RGS6: variants seen among roughly 807,000 people sequenced by gnomAD.
RGS6 encodes the protein regulator of G-protein signaling 6.
Under a neutral mutation model 78.5 loss-of-function variants are expected in RGS6, and 30 were observed. That is an observed-to-expected ratio of 0.38 (90% CI 0.29 to 0.52). The LOEUF (loss-of-function observed/expected upper bound fraction) is 0.52. Ranked by LOEUF, RGS6 falls within the 20% of genes least tolerant of loss-of-function variation. The pLI is 0.85. For synonymous variants in RGS6, 206 were observed against 206.0 expected (o/e 1.00, Z 0.00); for missense variants, 495 against 609.7 (o/e 0.81, Z 1.98).
chr14:71,875,089 T>G, the RGS6 span, among the ~76,000 whole-genome samples: 1 of 152,190 alleles, frequency 6.6e-6, no homozygotes, highest in African/African-American at 2.4e-5. Context: ...ATCAGGGATA[T>G]TGGTCTAAAA....
At chr14:72,404,770 C>T (rs1033564627) in intron 3 of RGS6, among the ~76,000 whole-genome samples, 1 of 152,074 alleles carries the variant, frequency 6.6e-6, no homozygotes, top group Non-Finnish European at 1.5e-5. Context: ...AGGTGGAATT[C>T]GAGTGCCTGA....
chr14:72,616,014 C>T, the RGS6 span, among the ~76,000 whole-genome samples: 1 of 152,222 alleles, frequency 6.6e-6, no homozygotes, highest in Non-Finnish European at 1.5e-5. Flanking sequence ...ACAACCACAT[C>T]ATTATCTCCA....
At chr14:72,619,212 T>G in the RGS6 span, 1 of 1,332,024 alleles carries the variant, frequency 7.5e-7, no homozygotes, top group Non-Finnish European at 1.0e-6. Flanking sequence ...TCTGGCTGGA[T>G]ATGTGGGAGG....
chr14:72,137,375 CT>C (rs1447518714), intron 2 of RGS6, among the ~76,000 whole-genome samples: 3 of 152,228 alleles, frequency 2.0e-5, no homozygotes, highest in Non-Finnish European at 2.9e-5. Context: ...CAGAATCCCA[CT>C]GGATGTCCTA....
At chr14:72,268,955 G>A (rs1251379919) in intron 2 of RGS6, among the ~76,000 whole-genome samples, 1 of 152,176 alleles carries the variant, frequency 6.6e-6, no homozygotes, top group Non-Finnish European at 1.5e-5. Flanking sequence ...AATTCGACCT[G>A]ATCTCTCTCT....
At chr14:72,036,418 C>T (rs758170080) in intron 2 of RGS6, among the ~76,000 whole-genome samples, 4 of 151,902 alleles carry the variant, frequency 2.6e-5, no homozygotes, top group African/African-American at 4.8e-5. Context: ...TTAGGTAATT[C>T]CTAGAAGTAA....
intron 2 of RGS6, among the ~76,000 whole-genome samples, chr14:72,067,548 T>C (rs887137923): frequency 7.0e-6 from 1 of 143,796 alleles, no homozygotes; most frequent in Non-Finnish European, 1.6e-5. Context: ...GTGCGGCACT[T>C]TTTAATCACA....
At chr14:72,303,029 TC>T (rs2066451639) in intron 2 of RGS6, among the ~76,000 whole-genome samples, 1 of 152,166 alleles carries the variant, frequency 6.6e-6, no homozygotes. Context: ...TTGTGAGGGC[TC>T]CCCAGCTATG....
In RGS6 at chr14:72,023,108, C is replaced by T. The variant is rs115252611; in HGVS notation, c.84+58233C>T. Among the ~76,000 whole-genome samples the T allele has an allele frequency of 2.6e-3, 397 of 152,334 alleles. 3 individuals are homozygous for T. Among genetic ancestry groups the T allele is most frequent in the African/African-American group, 9.3e-3 (386 of 41,578 alleles). On this transcript the variant is annotated intron_variant, in intron 2 of 17. Coordinates refer to ENST00000553525, the MANE Select transcript of RGS6 (RefSeq NM_001204424.2). ...GACATAGCTCTTAAAGATCTTATTA[C>T]CAACTTGCCATTTCCATGAATTTCC...
intron 17 of RGS6, among the ~76,000 whole-genome samples, chr14:72,544,125 T>G (rs2097361636): frequency 6.6e-6 from 1 of 152,032 alleles, no homozygotes; most frequent in African/African-American, 2.4e-5. Flanking sequence ...GGCTCTGACA[T>G]AGAGGACCAG....
intron 13 of RGS6, among the ~76,000 whole-genome samples, chr14:72,504,169 G>A (rs1598421964): frequency 6.6e-6 from 1 of 152,262 alleles, no homozygotes; most frequent in East Asian, 1.9e-4. Context: ...ATAGTTCCTG[G>A]ATTCTGTTAA....
At chr14:72,543,525 C>G (rs890968383) in intron 17 of RGS6, among the ~76,000 whole-genome samples, 4 of 152,236 alleles carry the variant, frequency 2.6e-5, no homozygotes, top group Admixed American at 2.0e-4. Context: ...TGGCTAGTCA[C>G]TGTGGGTTGC....
At chr14:72,596,737 C>CA in the RGS6 span, among the ~76,000 whole-genome samples, 2 of 152,194 alleles carry the variant, frequency 1.3e-5, no homozygotes, top group Non-Finnish European at 2.9e-5. Context: ...CTCTGATAAG[C>CA]ACTCATCGTA....
the RGS6 span, chr14:72,619,927 G>T: frequency 6.5e-7 from 1 of 1,534,822 alleles, no homozygotes; most frequent in East Asian, 2.4e-5. Context: ...GCCACCGGGG[G>T]ATTTAAACAG....
intron 2 of RGS6, among the ~76,000 whole-genome samples, chr14:72,270,658 C>T (rs2059799276): frequency 6.6e-6 from 1 of 152,214 alleles, no homozygotes; most frequent in African/African-American, 2.4e-5. Context: ...TTTGGACTTC[C>T]AGTGCTGCCT....
chr14:72,384,589 T>C (rs2087259590), intron 3 of RGS6, among the ~76,000 whole-genome samples: 1 of 152,200 alleles, frequency 6.6e-6, no homozygotes, highest in Admixed American at 6.5e-5. Flanking sequence ...TTAAAAATGA[T>C]GTGTTCTGAG....
At chr14:72,440,823 C>T (rs917358638) in intron 3 of RGS6, among the ~76,000 whole-genome samples, 5 of 152,080 alleles carry the variant, frequency 3.3e-5, no homozygotes, top group Admixed American at 6.5e-5. Flanking sequence ...GGGGTGGGAA[C>T]ATATTACAGG....
At chr14:72,033,851 C>T (rs562796159) in intron 2 of RGS6, among the ~76,000 whole-genome samples, 30 of 152,252 alleles carry the variant, frequency 2.0e-4, no homozygotes, top group African/African-American at 7.0e-4. Flanking sequence ...GTTTTATATT[C>T]TCCCCAGCAG....
chr14:72,341,061 A>G (rs948150279), intron 2 of RGS6, among the ~76,000 whole-genome samples: 2 of 152,200 alleles, frequency 1.3e-5, no homozygotes, highest in Admixed American at 1.3e-4. Context: ...GAACATGGGT[A>G]TTAGTTCATT....
Sources: allele counts gnomAD v4.1 joint callset (sites outside exome capture counted in the v4.1 genomes callset), GRCh38; gene constraint gnomAD v4.1.1; transcripts MANE v1.5; gene names NCBI Gene and HGNC (gene_info 2026-07-23, HGNC 2026-07-21).